Variants in CDK12 observed in about 807,000 individuals in gnomAD.
The protein encoded by CDK12 is cyclin dependent kinase 12, also known as cyclin-dependent kinase 12.
CDK12 carries 17 observed loss-of-function variants against 133.8 expected under a neutral mutation model. That is an observed-to-expected ratio of 0.13 (90% confidence interval 0.09 to 0.19). CDK12 has a LOEUF of 0.19. CDK12 is among the 10% of genes least tolerant of loss of function. The pLI is 1.00. For synonymous variants in CDK12, 694 were observed against 683.6 expected, an observed-to-expected ratio of 1.02 and a Z score of -0.24; for missense variants, 1,508 against 1,818.7, an observed-to-expected ratio of 0.83 and a Z score of 3.11.
intron 2 of CDK12, among the ~76,000 whole-genome samples, chr17:39,476,726 T>TTTCTTTTC (rs2050236698): frequency 1.7e-5 from 2 of 116,026 alleles, no homozygotes; most frequent in African/African-American, 6.8e-5. Flanking sequence ...TTTTTTTTTT[T>TTTCTTTTC]TTTTTTTTTT....
intron 4 of CDK12, among the ~76,000 whole-genome samples, chr17:39,493,823 C>T (rs754829410): frequency 4.6e-5 from 7 of 151,816 alleles, no homozygotes; most frequent in Non-Finnish European, 1.0e-4. Context: ...GGTGAAACCC[C>T]GTTTCTACTA....
intron 3 of CDK12, among the ~76,000 whole-genome samples, chr17:39,492,067 C>CT (rs1460151994): frequency 2.0e-5 from 3 of 147,072 alleles, no homozygotes; most frequent in Non-Finnish European, 4.5e-5. Flanking sequence ...TAAAAGAATC[C>CT]TTTTTTCTTT....
chr17:39,555,808 A>G (rs1026747760), intron 2 of CDK12, among the ~76,000 whole-genome samples: 1 of 149,084 alleles, frequency 6.7e-6, no homozygotes, highest in African/African-American at 2.5e-5. Flanking sequence ...AGCCTGGGAA[A>G]CATAGTGAAA....
Position 39,489,116 on chromosome 17 carries a change from T to C in CDK12, c.1932-1441T>C, listed in dbSNP as rs551100765. 2.7e-5 allele frequency among the ~76,000 whole-genome samples: 4 copies of C among 150,308 alleles called. No individual in the cohort carries two copies. In the East Asian group the frequency reaches 7.8e-4, roughly 29 times the overall value. On this transcript the variant is annotated intron_variant, in intron 2 of 13. Transcript: ENST00000447079. ...TTTTTTTCGAGATGGAGTCTCACTC[T>C]GTCTCTCCGGCTGGAGTGCAGTGGC...
downstream of CDK12, among the ~76,000 whole-genome samples, chr17:39,565,356 C>T (rs544404490): frequency 2.3e-4 from 35 of 152,004 alleles, no homozygotes; most frequent in East Asian, 7.8e-4. Flanking sequence ...CCTTGTGATC[C>T]GCCCACCTCA....
downstream of CDK12, among the ~76,000 whole-genome samples, chr17:39,566,006 T>G (rs2144738565): frequency 6.6e-6 from 1 of 152,272 alleles, no homozygotes; most frequent in Non-Finnish European, 1.5e-5. Context: ...AGACTTGGAT[T>G]TAGTCACTTC....
At chr17:39,537,088 A>G (rs1020049499), downstream of CDK12, among the ~76,000 whole-genome samples, 1 of 152,208 alleles carries the variant, frequency 6.6e-6, no homozygotes, top group Non-Finnish European at 1.5e-5. Flanking sequence ...GAAGTCCACC[A>G]TATAGCAGTC....
rs60185847 is a variant in CDK12, at chr17:39,495,384, GT to G, written c.2419+722del. On this transcript the variant is annotated intron_variant, in intron 5 of 13. Transcript: ENST00000447079. ...TGAGCTACCATGACTGGCCTCATGT[GT>G]TTTTTTTTTTTTTTTTTTTTTTTTT... 8.8e-3 allele frequency among the ~76,000 whole-genome samples: 972 copies of G among 110,206 alleles called. 32 individuals are homozygous for G. Among genetic ancestry groups the G allele is most frequent in the African/African-American group, 0.015 (397 of 26,906 alleles). The allele number at this position is 110,206 out of a possible 152,430, so 72.3% of individuals were successfully genotyped here.
At chr17:39,468,306 T>C (rs1048055633) in intron 1 of CDK12, among the ~76,000 whole-genome samples, 3 of 152,186 alleles carry the variant, frequency 2.0e-5, no homozygotes, top group African/African-American at 7.2e-5. Flanking sequence ...CTTACACATA[T>C]ATGTTGTTTT....
rs2053763667 is a variant in CDK12 at position 39,515,789 on chromosome 17, G to T, written c.2827G>T (p.Ala943Ser). The T allele has an allele frequency of 6.2e-7, 1 of 1,613,038 alleles. No homozygotes were observed. ...TATTTTTCAAGCCAATCTGGAACTG[G>T]CTCAGCTAGAACTGATCAGGTACAG... is the stretch of plus-strand genomic sequence containing the variant. Reference protein sequence around the residue: ...KPIFQANLELAQLELISRLCG... With the variant: ...KPIFQANLELSQLELISRLCG... Residue 943 changes from alanine to serine, a missense_variant, in exon 9 of 14, where the codon GCT becomes TCT. Ala to Ser is a moderately conservative substitution (Grantham distance 99). Transcript: ENST00000447079.
chr17:39,503,805 G>A (rs1598089254), intron 6 of CDK12, among the ~76,000 whole-genome samples: 1 of 152,172 alleles, frequency 6.6e-6, no homozygotes, highest in Non-Finnish European at 1.5e-5. Context: ...GTGAAGGGTC[G>A]TCAGCTGGGC....
chr17:39,536,814 C>G (rs1309366394), downstream of CDK12, among the ~76,000 whole-genome samples: 1 of 152,160 alleles, frequency 6.6e-6, no homozygotes, highest in African/African-American at 2.4e-5. Context: ...GTCTTTCATA[C>G]CCTCTAAGTG....
At chr17:39,521,885 A>G (rs1172286099) in intron 11 of CDK12, among the ~76,000 whole-genome samples, 2 of 147,428 alleles carry the variant, frequency 1.4e-5, no homozygotes, top group Non-Finnish European at 3.0e-5. Flanking sequence ...TTCCAATTGT[A>G]GAAATGGAGT....
chr17:39,464,277 G>A (rs1380473587), intron 1 of CDK12, among the ~76,000 whole-genome samples: 1 of 151,588 alleles, frequency 6.6e-6, no homozygotes, highest in African/African-American at 2.4e-5. Flanking sequence ...CTGGAGTGCA[G>A]TGGCATCATC....
chr17:39,474,915 C>A (rs1206205131), intron 2 of CDK12, among the ~76,000 whole-genome samples: 1 of 151,174 alleles, frequency 6.6e-6, no homozygotes, highest in African/African-American at 2.4e-5. Flanking sequence ...CTCACTGCAG[C>A]CTCTGCCTCC....
intron 9 of CDK12, among the ~76,000 whole-genome samples, chr17:39,516,817 C>G (rs1034639220): frequency 6.6e-6 from 1 of 151,714 alleles, no homozygotes; most frequent in African/African-American, 2.4e-5. Flanking sequence ...TGCCCACCAC[C>G]ACACGCGGCT....
rs895227796 is a variant in CDK12 at position 39,524,888 on chromosome 17, C to A, written c.3307+3C>A. The A allele has an allele frequency of 1.2e-6, 2 of 1,609,474 alleles. No homozygotes were observed. The highest frequency in any genetic ancestry group is 1.1e-5 in the South Asian group (1 of 90,834). On this transcript the variant is annotated splice_donor_region_variant and intron_variant, in intron 12 of 13. Transcript: ENST00000447079. ...GTCTGGGGCTGGGGATGCAATAGGTCAGTGCCAGAATGGGGCCTTTGTGCT... is the reference window on the plus strand; with the variant it reads ...GTCTGGGGCTGGGGATGCAATAGGTAAGTGCCAGAATGGGGCCTTTGTGCT...
At chr17:39,465,918 A>G (rs530394900) in intron 1 of CDK12, among the ~76,000 whole-genome samples, 1 of 152,282 alleles carries the variant, frequency 6.6e-6, no homozygotes, top group Non-Finnish European at 1.5e-5. Flanking sequence ...GTGTGCTAAG[A>G]CTAAAACACT....
chr17:39,552,855 A>G (rs1368412634), intron 2 of CDK12, among the ~76,000 whole-genome samples: 2 of 152,008 alleles, frequency 1.3e-5, no homozygotes, highest in East Asian at 1.9e-4. Context: ...CAGCCTCCCA[A>G]GTACCTGGGA....
Sources: allele counts gnomAD v4.1 joint callset (sites outside exome capture counted in the v4.1 genomes callset), GRCh38; gene constraint gnomAD v4.1.1; transcripts MANE v1.5; gene names NCBI Gene and HGNC (gene_info 2026-07-23, HGNC 2026-07-21).